ZNG1B: variants seen among roughly 807,000 people sequenced by gnomAD.
The protein encoded by ZNG1B is zinc-regulated GTPase metalloprotein activator 1B.
the ZNG1B span, chr2:113,437,778 G>A: frequency 5.1e-6 from 8 of 1,565,386 alleles, no homozygotes; most frequent in African/African-American, 1.4e-5. Flanking sequence ...GCCCCGGGCA[G>A]GCCGGGAGTG....
chr2:113,467,240 T>C, the ZNG1B span, among the ~76,000 whole-genome samples: 2 of 134,110 alleles, frequency 1.5e-5, no homozygotes, highest in Admixed American at 1.5e-4. Flanking sequence ...TCACCTTGAG[T>C]AGTTAAGAGT....
chr2:113,471,677 C>T, the ZNG1B span, among the ~76,000 whole-genome samples: 1 of 148,934 alleles, frequency 6.7e-6, no homozygotes, highest in Non-Finnish European at 1.5e-5. Context: ...GTTCCCCTTC[C>T]TGTGTCCATG....
At chr2:113,470,706 A>C in the ZNG1B span, 69,770 of 323,026 alleles carry the variant, frequency 0.22, 7,569 homozygotes, top group East Asian at 0.49. Context: ...TCTATTTGTC[A>C]TTTCTTTTGT....
chr2:113,481,963 A>G, the ZNG1B span: 1 of 734,754 alleles, frequency 1.4e-6, no homozygotes, highest in Non-Finnish European at 2.2e-6. Flanking sequence ...ATGTATATAT[A>G]TGAATGTGTG....
chr2:113,463,484 G>A, the ZNG1B span, among the ~76,000 whole-genome samples: 1 of 152,116 alleles, frequency 6.6e-6, no homozygotes, highest in South Asian at 2.1e-4. Flanking sequence ...ATTAATGATT[G>A]TGGAAGAAAG....
the ZNG1B span, among the ~76,000 whole-genome samples, chr2:113,471,292 A>G: frequency 9.3e-3 from 1,422 of 152,332 alleles, 26 homozygotes; most frequent in African/African-American, 0.032. Context: ...TGTAGAAATT[A>G]TAGTGTAAAT....
chr2:113,477,165 G>GC, the ZNG1B span, among the ~76,000 whole-genome samples: 1 of 152,208 alleles, frequency 6.6e-6, no homozygotes, highest in Non-Finnish European at 1.5e-5. Flanking sequence ...CTAGCAATCA[G>GC]CGAGACTCCG....
the ZNG1B span, among the ~76,000 whole-genome samples, chr2:113,438,403 A>G: frequency 6.6e-6 from 1 of 151,696 alleles, no homozygotes; most frequent in Admixed American, 6.6e-5. Context: ...GGAACCACCT[A>G]CCTGTTGCCA....
At chr2:113,440,700 A>T in the ZNG1B span, among the ~76,000 whole-genome samples, 1 of 149,878 alleles carries the variant, frequency 6.7e-6, no homozygotes, top group Non-Finnish European at 1.5e-5. Flanking sequence ...ATAGTAAAAC[A>T]CTGGAAACAA....
chr2:113,442,762 A>G, the ZNG1B span, among the ~76,000 whole-genome samples: 4 of 152,196 alleles, frequency 2.6e-5, no homozygotes, highest in Non-Finnish European at 5.9e-5. Flanking sequence ...GCTGAAATAT[A>G]AAAAATACGT....
At chr2:113,464,943 G>C in the ZNG1B span, among the ~76,000 whole-genome samples, 1 of 151,800 alleles carries the variant, frequency 6.6e-6, no homozygotes, top group East Asian at 1.9e-4. Flanking sequence ...GTGATTTATT[G>C]TTTGAAGGAA....
chr2:113,476,623 C>G, the ZNG1B span, among the ~76,000 whole-genome samples: 1 of 149,876 alleles, frequency 6.7e-6, no homozygotes, highest in Admixed American at 6.7e-5. Flanking sequence ...TTTTTCTGCT[C>G]TGTTTTTTCC....
the ZNG1B span, among the ~76,000 whole-genome samples, chr2:113,475,006 T>G: frequency 6.9e-6 from 1 of 144,202 alleles, no homozygotes; most frequent in African/African-American, 2.6e-5. Flanking sequence ...CTATTAGGTC[T>G]GCTTGGTGCA....
chr2:113,464,875 T>C, the ZNG1B span, among the ~76,000 whole-genome samples: 1 of 152,128 alleles, frequency 6.6e-6, no homozygotes, highest in Non-Finnish European at 1.5e-5. Flanking sequence ...TAGCCCTTAA[T>C]CTGACAGTTG....
At chr2:113,459,316 C>A in the ZNG1B span, among the ~76,000 whole-genome samples, 1 of 151,346 alleles carries the variant, frequency 6.6e-6, no homozygotes, top group Non-Finnish European at 1.5e-5. Flanking sequence ...CTTCTATAGA[C>A]CTAATCAAGC....
chr2:113,459,452 G>A, the ZNG1B span, among the ~76,000 whole-genome samples: 1 of 151,724 alleles, frequency 6.6e-6, no homozygotes, highest in African/African-American at 2.4e-5. Context: ...CATTTGTGTA[G>A]CATTGTACAC....
the ZNG1B span, among the ~76,000 whole-genome samples, chr2:113,483,839 C>T: frequency 6.6e-6 from 1 of 152,230 alleles, no homozygotes; most frequent in Non-Finnish European, 1.5e-5. Context: ...TGTATTAAAG[C>T]AAATTCCAGA....
the ZNG1B span, chr2:113,438,140 G>A: frequency 1.2e-6 from 2 of 1,602,942 alleles, no homozygotes; most frequent in Non-Finnish European, 1.7e-6. Context: ...AAATGTCTTC[G>A]AGGTAGGGGC....
the ZNG1B span, among the ~76,000 whole-genome samples, chr2:113,468,396 C>T: frequency 5.3e-5 from 8 of 151,140 alleles, no homozygotes; most frequent in South Asian, 1.5e-3. Flanking sequence ...AAACCCTCTT[C>T]GTTTTCACTC....
Sources: allele counts gnomAD v4.1 joint callset (sites outside exome capture counted in the v4.1 genomes callset), GRCh38; gene constraint gnomAD v4.1.1; transcripts MANE v1.5; gene names NCBI Gene and HGNC (gene_info 2026-07-23, HGNC 2026-07-21).